The following WDR41 variants were observed in gnomAD, a reference collection of about 807,000 sequenced individuals.
WDR41 encodes WD repeat domain 41.
In WDR41, 63 loss-of-function variants were observed where a neutral mutation model predicts 69.3. The ratio of observed to expected loss-of-function variants is 0.91; its 90% CI spans 0.74 to 1.12. The LOEUF (loss-of-function observed/expected upper bound fraction) is 1.12. Ranked by LOEUF, WDR41 falls within the 50% of genes most tolerant of loss-of-function variation. The pLI is 0.00. For synonymous variants in WDR41, 185 were observed against 192.1 expected (o/e 0.96, Z 0.31); for missense variants, 543 against 534.5 (o/e 1.02, Z -0.16).
Position 77,433,039 on chromosome 5 carries a change from T to C in WDR41, c.*96A>G. ...GAATTTTATGGACTGACAAAAAAAA[T>C]TACCAATTTAAGTGATCAATATATT... On this transcript the variant is annotated 3_prime_UTR_variant, in exon 13 of 13. Coordinates refer to ENST00000296679, the MANE Select transcript of WDR41 (RefSeq NM_018268.4). 7.4e-7 allele frequency: 1 copy of C among 1,345,300 alleles called. No homozygotes were observed. Among genetic ancestry groups the C allele is most frequent in the Non-Finnish European group, 9.8e-7 (1 of 1,015,432 alleles). The allele number at this position is 1,345,300 out of a possible 1,614,324, so 83.3% of individuals were successfully genotyped here. A position where few individuals can be genotyped will look rare whatever the true frequency, so the allele number is the denominator to read the frequency against.
intron 2 of WDR41, among the ~76,000 whole-genome samples, chr5:77,487,619 T>C (rs1331409310): frequency 6.6e-6 from 1 of 152,220 alleles, no homozygotes; most frequent in Admixed American, 6.5e-5. Context: ...TCTAAATCCT[T>C]GGAATTTTCC....
At chr5:77,568,286 G>C (rs945460084) in intron 1 of WDR41, among the ~76,000 whole-genome samples, 1 of 152,086 alleles carries the variant, frequency 6.6e-6, no homozygotes, top group Admixed American at 6.6e-5. Flanking sequence ...CCACGACAAG[G>C]GCTATTTTTG....
intron 1 of WDR41, chr5:77,545,865 G>T (rs534494417): frequency 1.7e-6 from 1 of 603,276 alleles, no homozygotes; most frequent in Non-Finnish European, 2.8e-6. Context: ...GCAGTCCATT[G>T]TCCCTGTGCT....
chr5:77,452,255 G>C (rs1487305028), intron 6 of WDR41: 2 of 152,234 alleles, frequency 1.3e-5, no homozygotes, highest in Non-Finnish European at 2.9e-5. Context: ...GGAAGGCAAA[G>C]GAATGGTACA....
At chr5:77,533,496 C>T (rs975161620) in intron 1 of WDR41, among the ~76,000 whole-genome samples, 6 of 152,092 alleles carry the variant, frequency 3.9e-5, no homozygotes, top group African/African-American at 1.4e-4. Context: ...TTTTCAGACA[C>T]ATACTTATCC....
At chr5:77,551,025 G>A (rs764828584) in intron 1 of WDR41, among the ~76,000 whole-genome samples, 10 of 152,104 alleles carry the variant, frequency 6.6e-5, no homozygotes, top group East Asian at 1.9e-4. Context: ...ATAAAAACGG[G>A]AACAATAGAC....
intron 1 of WDR41, among the ~76,000 whole-genome samples, chr5:77,502,783 G>A (rs997686929): frequency 3.9e-4 from 60 of 152,230 alleles, no homozygotes; most frequent in African/African-American, 1.2e-3. Flanking sequence ...ATAAGTGAAG[G>A]AGAAATAAAA....
chr5:77,497,749 A>G (rs937588148), intron 1 of WDR41, among the ~76,000 whole-genome samples: 1 of 152,180 alleles, frequency 6.6e-6, no homozygotes, highest in Non-Finnish European at 1.5e-5. Context: ...CTCTAGGCAT[A>G]TATCTACAGG....
chr5:77,583,225 A>C, intron 1 of WDR41: 1 of 695,432 alleles, frequency 1.4e-6, no homozygotes, highest in East Asian at 2.7e-5. Flanking sequence ...TTAGTAATTA[A>C]AAAAGCTACC....
At chr5:77,469,561 A>G (rs1429942708) in intron 2 of WDR41, among the ~76,000 whole-genome samples, 1 of 152,186 alleles carries the variant, frequency 6.6e-6, no homozygotes, top group African/African-American at 2.4e-5. Context: ...CTCCATTAGG[A>G]AACAAATTTC....
At chr5:77,575,416 A>G (rs1743813191) in intron 1 of WDR41, among the ~76,000 whole-genome samples, 1 of 152,232 alleles carries the variant, frequency 6.6e-6, no homozygotes, top group Non-Finnish European at 1.5e-5. Context: ...TGCTTTCAGT[A>G]TTTAAGCATC....
intron 1 of WDR41, among the ~76,000 whole-genome samples, chr5:77,598,637 A>T (rs916965387): frequency 5.4e-5 from 8 of 147,952 alleles, no homozygotes; most frequent in Non-Finnish European, 1.2e-4. Flanking sequence ...GTGAATCAGT[A>T]AGTTTCCTTT....
chr5:77,435,861 A>T (rs1277579766), intron 12 of WDR41, among the ~76,000 whole-genome samples: 1 of 152,172 alleles, frequency 6.6e-6, no homozygotes, highest in African/African-American at 2.4e-5. Context: ...GAGAAACAGG[A>T]CTCTGTTCAT....
At chr5:77,552,467 A>T (rs768682512) in intron 1 of WDR41, among the ~76,000 whole-genome samples, 2 of 152,210 alleles carry the variant, frequency 1.3e-5, no homozygotes, top group Non-Finnish European at 2.9e-5. Flanking sequence ...ATTCTCCCCA[A>T]ATTGGTCTAT....
At position 77,563,875 on chromosome 5, in the gene WDR41, T is replaced by C. The variant is rs1743568665; in HGVS notation, c.42+56604A>G. 2.6e-5 allele frequency among the ~76,000 whole-genome samples: 4 copies of C among 152,324 alleles called. No individual in the cohort carries two copies. The South Asian group carries it at 6.2e-4, about 24-fold the overall frequency. On this transcript the variant is annotated intron_variant, in intron 1 of 5. Coordinates refer to the WDR41 transcript ENST00000509971. ...TTTGATCCCCCTGAGTGTGAATGCA[T>C]TCTCTTCTGCCATTCTAGGTAGGTC... is the stretch of plus-strand genomic sequence containing the variant.
intron 1 of WDR41, among the ~76,000 whole-genome samples, chr5:77,612,422 A>G (rs1473062103): frequency 1.3e-5 from 2 of 152,192 alleles, no homozygotes; most frequent in Non-Finnish European, 2.9e-5. Flanking sequence ...AAATCCAGCA[A>G]TACATCAAAA....
At chr5:77,464,647 A>G (rs1333465052) in intron 3 of WDR41, 114 bp downstream of exon 3, 2 of 1,028,368 alleles carry the variant, frequency 1.9e-6, no homozygotes, top group African/African-American at 1.6e-5. Context: ...TCAAATATTA[A>G]TGTGTCAATT....
At chr5:77,594,437 A>C (rs1744189671) in intron 1 of WDR41, among the ~76,000 whole-genome samples, 1 of 152,048 alleles carries the variant, frequency 6.6e-6, no homozygotes. Context: ...TATAAAAAAT[A>C]AAAAAGAAAT....
At chr5:77,433,603 A>G (rs1204592614) in intron 12 of WDR41, among the ~76,000 whole-genome samples, 1 of 152,200 alleles carries the variant, frequency 6.6e-6, no homozygotes, top group Non-Finnish European at 1.5e-5. Flanking sequence ...TATACTGTAT[A>G]ATGGCTATGG....
Sources: allele counts gnomAD v4.1 joint callset (sites outside exome capture counted in the v4.1 genomes callset), GRCh38; gene constraint gnomAD v4.1.1; transcripts MANE v1.5; gene names NCBI Gene and HGNC (gene_info 2026-07-23, HGNC 2026-07-21).